Variants in ABCB1 observed in about 807,000 individuals in gnomAD.
ABCB1 encodes ATP-dependent translocase ABCB1.
Under a neutral mutation model 142.0 loss-of-function variants are expected in ABCB1, and 69 were observed. The ratio of observed to expected loss-of-function variants is 0.49; its 90% confidence interval spans 0.40 to 0.59. The LOEUF is 0.59. Among genes scored for constraint, ABCB1 ranks in the 20% least tolerant of loss-of-function variants. The probability of loss-of-function intolerance (pLI) is 0.00; values close to 1 mark genes in which losing one functional copy is unlikely to be tolerated. For synonymous variants in ABCB1, 532 were observed against 539.2 expected (o/e 0.99, Z 0.18); for missense variants, 1,326 against 1,554.7 (o/e 0.85, Z 2.47).
rs534419667 is a variant in ABCB1 at position 87,613,874 on chromosome 7, C to T, written c.-330-12796G>A. On this transcript the variant is annotated intron_variant, in intron 1 of 28. Coordinates refer to the ABCB1 transcript ENST00000265724. Reference sequence around the variant, plus strand: ...AGTTGAGATTATTTTTAAAATACTTCCCTTAGCCATAAAACCTATGTTCCT... The same window carrying T: ...AGTTGAGATTATTTTTAAAATACTTTCCTTAGCCATAAAACCTATGTTCCT... 1.6e-4 allele frequency among the ~76,000 whole-genome samples: 24 copies of T among 152,216 alleles called. No individual in the cohort carries two copies. In the South Asian group the frequency reaches 4.8e-3, roughly 30 times the overall value.
chr7:87,694,079 CCTT>C, intron 1 of ABCB1: 1 of 1,512,216 alleles, frequency 6.6e-7, no homozygotes. Context: ...TTTTGTAAAG[CCTT>C]CTTTTTTGTG....
At chr7:87,584,079 C>T (rs369656338) in intron 4 of ABCB1, among the ~76,000 whole-genome samples, 1 of 152,068 alleles carries the variant, frequency 6.6e-6, no homozygotes, top group Admixed American at 6.5e-5. Flanking sequence ...CTTTGGATGC[C>T]GTGAAAGGAT....
rs184388275 is a variant in ABCB1, at chr7:87,584,750, C to T, written c.286+762G>A. 1.5e-3 allele frequency among the ~76,000 whole-genome samples: 228 copies of T among 152,266 alleles called. 2 individuals are homozygous for T. Among genetic ancestry groups the T allele is most frequent in the Non-Finnish European group, 1.4e-3 (93 of 68,014 alleles). ...AGATTCTCACCTTCTCATCTACCCA[C>T]CACTGGGTACTGACACTCAAATTCA... On this transcript the variant is annotated intron_variant, in intron 4 of 27. Coordinates refer to ENST00000622132, the MANE Select transcript of ABCB1 (RefSeq NM_001348946.2).
At chr7:87,550,952 A>G (rs1020682859) in intron 9 of ABCB1, 114 bp from the exon 10 acceptor site, 5 of 702,694 alleles carry the variant, frequency 7.1e-6, no homozygotes, top group Non-Finnish European at 1.3e-5. Context: ...TGGCGAGGCA[A>G]CATATAAATA....
chr7:87,599,981 A>T, intron 2 of ABCB1, 136 bp downstream of exon 2: 1 of 850,446 alleles, frequency 1.2e-6, no homozygotes, highest in Non-Finnish European at 1.9e-6. Flanking sequence ...AGGGATATTG[A>T]TTCCAAAGGC....
intron 8 of ABCB1, among the ~76,000 whole-genome samples, chr7:87,556,943 C>A (rs1000190530): frequency 6.6e-6 from 1 of 151,938 alleles, no homozygotes; most frequent in African/African-American, 2.4e-5. Context: ...TTCTTGGCCA[C>A]CCCAGGAAAC....
intron 1 of ABCB1, among the ~76,000 whole-genome samples, chr7:87,667,631 T>C (rs867714477): frequency 6.6e-6 from 1 of 152,186 alleles, no homozygotes; most frequent in African/African-American, 2.4e-5. Flanking sequence ...TTGTCATAGA[T>C]GGCTCTTATT....
At chr7:87,631,391 T>A (rs190508142) in intron 1 of ABCB1, among the ~76,000 whole-genome samples, 9 of 152,312 alleles carry the variant, frequency 5.9e-5, no homozygotes, top group Admixed American at 1.3e-4. Context: ...TTTTTTAATT[T>A]TTTATTTATT....
Position 87,550,548 on chromosome 7 carries a change from C to T in ABCB1, c.1144G>A (p.Gly382Arg), listed in dbSNP as rs1356023286. Reference sequence around the variant, plus strand: ...CCCTTAATATTATCTGGTTTGTGCCCACTCTTCGAATAGCTGTCAATACTT... The same window carrying T: ...CCCTTAATATTATCTGGTTTGTGCCTACTCTTCGAATAGCTGTCAATACTT... ...KPSIDSYSKS[G>R]HKPDNIKGNL... Residue 382 changes from glycine to arginine, a missense_variant, in exon 11 of 28, where the codon GGG (glycine) becomes AGG (arginine). Coordinates refer to ENST00000622132, the MANE Select transcript of ABCB1 (RefSeq NM_001348946.2). The T allele has an allele frequency of 2.5e-6, 4 of 1,613,360 alleles. No individual in the cohort carries two copies. The African/African-American group carries it at 4.0e-5, about 16-fold the overall frequency.
chr7:87,587,868 C>A (rs1179835335), intron 3 of ABCB1, among the ~76,000 whole-genome samples: 5 of 109,518 alleles, frequency 4.6e-5, no homozygotes, highest in African/African-American at 1.8e-4. Flanking sequence ...GAGTGAGACT[C>A]TGTCTCAAAA....
At chr7:87,703,915 T>TTTTTTTTTTTTTTTTTTTTTTTTTG (rs1829354366) in intron 1 of ABCB1, among the ~76,000 whole-genome samples, 1 of 18,530 alleles carries the variant, frequency 5.4e-5, no homozygotes, top group African/African-American at 2.1e-4. Flanking sequence ...TTTTTTTTGG[T>TTTTTTTTTTTTTTTTTTTTTTTTTG]TTTTTTTTTT....
At chr7:87,553,971 T>G in intron 8 of ABCB1, 39 bp from the exon 9 acceptor site, 2 of 1,560,060 alleles carry the variant, frequency 1.3e-6, no homozygotes, top group Non-Finnish European at 1.8e-6. Context: ...ATACATTTTA[T>G]GAAAACATGT....
intron 25 of ABCB1, among the ~76,000 whole-genome samples, chr7:87,510,688 GTA>G: frequency 6.6e-6 from 1 of 152,180 alleles, no homozygotes; most frequent in Admixed American, 6.5e-5. Flanking sequence ...TAGCAGTAGA[GTA>G]CAATCTTTGC....
chr7:87,698,131 A>G (rs1165303009), intron 1 of ABCB1, among the ~76,000 whole-genome samples: 1 of 152,062 alleles, frequency 6.6e-6, no homozygotes, highest in African/African-American at 2.4e-5. Context: ...ACGAAGTCTC[A>G]CTCTGTCACC....
At chr7:87,606,121 T>A (rs1456240578) in intron 1 of ABCB1, among the ~76,000 whole-genome samples, 1 of 151,910 alleles carries the variant, frequency 6.6e-6, no homozygotes, top group Non-Finnish European at 1.5e-5. Context: ...CTTATATAAA[T>A]GGATAAGAAA....
intron 1 of ABCB1, among the ~76,000 whole-genome samples, chr7:87,709,077 TAAAGA>T (rs913993259): frequency 2.6e-5 from 4 of 152,334 alleles, no homozygotes; most frequent in African/African-American, 7.2e-5. Context: ...GTTCCTTTGT[TAAAGA>T]AAAGAAACCA....
chr7:87,656,258 A>T (rs1289903518), intron 1 of ABCB1, among the ~76,000 whole-genome samples: 1 of 152,112 alleles, frequency 6.6e-6, no homozygotes, highest in Non-Finnish European at 1.5e-5. Flanking sequence ...CAATTTAAAA[A>T]TTTTTAAATA....
At chr7:87,549,110 A>T (rs1816934316) in intron 14 of ABCB1, among the ~76,000 whole-genome samples, 1 of 152,210 alleles carries the variant, frequency 6.6e-6, no homozygotes, top group Non-Finnish European at 1.5e-5. Context: ...AGTGTCTTCA[A>T]ATGAAAATGT....
At chr7:87,615,080 G>A (rs531807559) in intron 1 of ABCB1, among the ~76,000 whole-genome samples, 6 of 151,952 alleles carry the variant, frequency 3.9e-5, no homozygotes, top group African/African-American at 1.2e-4. Flanking sequence ...CTCCTGACCC[G>A]CCCGCCTCGG....
Sources: gnomAD v4.1 joint callset for allele counts (sites outside exome capture counted in the v4.1 genomes callset) on GRCh38, gnomAD v4.1.1 for gene constraint, MANE v1.5 for transcripts, NCBI Gene and HGNC (gene_info 2026-07-23, HGNC 2026-07-21) for gene names.